The following ZBTB41 variants were observed in gnomAD, a reference collection of about 807,000 sequenced individuals.
ZBTB41 encodes zinc finger and BTB domain-containing protein 41.
A neutral mutation model predicts 87.6 loss-of-function variants in ZBTB41; 42 were observed. The observed-to-expected ratio is 0.48, with a 90% CI of 0.37 to 0.62. The LOEUF (loss-of-function observed/expected upper bound fraction) is 0.62. Ranked by LOEUF, ZBTB41 falls within the 20% of genes least tolerant of loss-of-function variation. The pLI is 0.00. For synonymous variants in ZBTB41, 364 were observed against 364.0 expected, an observed-to-expected ratio of 1.00 and a Z score of 0.00; for missense variants, 799 against 1,078.9, an observed-to-expected ratio of 0.74 and a Z score of 3.63.
intron 8 of ZBTB41, 102 bp from the exon 9 acceptor site, chr1:197,175,217 A>G: frequency 1.1e-6 from 1 of 937,676 alleles, no homozygotes; most frequent in South Asian, 2.0e-5. Context: ...GTCAAATATA[A>G]CAGGAAAGTA....
chr1:197,162,606 T>A (rs1160066215), intron 10 of ZBTB41, among the ~76,000 whole-genome samples: 1 of 152,196 alleles, frequency 6.6e-6, no homozygotes, highest in Non-Finnish European at 1.5e-5. Flanking sequence ...ACTTACATCA[T>A]ATCATGGCTC....
At chr1:197,195,938 T>C (rs1024818575) in intron 2 of ZBTB41, among the ~76,000 whole-genome samples, 29 of 152,172 alleles carry the variant, frequency 1.9e-4, no homozygotes, top group Admixed American at 1.7e-3. Flanking sequence ...GCAGAAGGTC[T>C]CAAAGCTTAT....
intron 10 of ZBTB41, among the ~76,000 whole-genome samples, chr1:197,163,305 A>T (rs1025473336): frequency 1.3e-5 from 2 of 152,202 alleles, no homozygotes; most frequent in African/African-American, 4.8e-5. Flanking sequence ...GACCCAAATG[A>T]TCAAATGCCA....
At chr1:197,175,428 T>A (rs1553231067) in intron 8 of ZBTB41, among the ~76,000 whole-genome samples, 1 of 11,500 alleles carries the variant, frequency 8.7e-5, no homozygotes, top group Non-Finnish European at 3.3e-4. Context: ...CTTAGGAATT[T>A]TAAATATATA....
At position 197,154,392 on chromosome 1, in the gene ZBTB41, T is replaced by C. The variant is rs374049774; in HGVS notation, c.*4967A>G. 15 of 152,140 alleles carry C rather than the reference T, an allele frequency of 9.9e-5. No individual in the cohort carries two copies. The highest frequency in any genetic ancestry group is 3.3e-4 in the Admixed American group (5 of 15,266). 9.4% of individuals were successfully genotyped at this position (152,140 alleles called of 1,614,324 possible). ...CTCTGAATATAATCCTTAATTTCTC[T>C]TTATGTAATTGGCTGCATAGGCTAA... On this transcript the variant is annotated 3_prime_UTR_variant, in exon 11 of 11. Transcript: ENST00000367405.
chr1:197,157,169 A>G lies in ZBTB41; in HGVS notation c.*2190T>C, dbSNP rs1481459382. ...CTGTGTAAACCAATTCCTACAATTA[A>G]ATCATATATTTAAAGCATTAGGACG... On this transcript the variant is annotated 3_prime_UTR_variant, in exon 11 of 11. Coordinates refer to ENST00000367405, the MANE Select transcript of ZBTB41 (RefSeq NM_194314.3). 6.6e-6 allele frequency: 1 copy of G among 152,192 alleles called. No homozygotes were observed. The highest frequency in any genetic ancestry group is 2.4e-5 in the African/African-American group (1 of 41,424). 9.4% of individuals were successfully genotyped at this position (152,192 alleles called of 1,614,324 possible).
intron 6 of ZBTB41, among the ~76,000 whole-genome samples, chr1:197,179,455 G>A (rs145172921): frequency 3.3e-5 from 5 of 152,064 alleles, no homozygotes; most frequent in East Asian, 1.9e-4. Context: ...AATGATAAGC[G>A]ACTATGTTAC....
intron 7 of ZBTB41, 82 bp from the exon 8 acceptor site, chr1:197,176,752 A>G (rs1217017323): frequency 1.0e-6 from 1 of 986,254 alleles, no homozygotes; most frequent in Non-Finnish European, 1.6e-6. Flanking sequence ...TGATGAATAA[A>G]CAATGAAAAC....
chr1:197,190,395 T>C (rs1362849462), intron 4 of ZBTB41, among the ~76,000 whole-genome samples: 3 of 152,204 alleles, frequency 2.0e-5, no homozygotes, highest in Admixed American at 2.0e-4. Flanking sequence ...AATAGTTATT[T>C]AAGGCCACTA....
intron 7 of ZBTB41, among the ~76,000 whole-genome samples, 153 bp downstream of exon 7, chr1:197,178,263 TA>T (rs199604755): frequency 9.4e-5 from 14 of 149,252 alleles, no homozygotes; most frequent in East Asian, 3.9e-4. Context: ...AAATGTTTAG[TA>T]AAAAAAAAAT....
intron 7 of ZBTB41, among the ~76,000 whole-genome samples, chr1:197,177,451 C>T (rs1659636572): frequency 6.6e-6 from 1 of 152,016 alleles, no homozygotes; most frequent in Admixed American, 6.6e-5. Context: ...TCAAGTATGT[C>T]TTTATAGCAG....
chr1:197,166,640 T>C (rs1049123508), intron 10 of ZBTB41, among the ~76,000 whole-genome samples: 6 of 151,634 alleles, frequency 4.0e-5, no homozygotes, highest in African/African-American at 1.5e-4. Flanking sequence ...GGTCAGGAGT[T>C]AGAGATCAGC....
At position 197,178,263 on chromosome 1, in the gene ZBTB41, T is replaced by TA. The variant is rs199604755; in HGVS notation, c.1772+153dup. Among the ~76,000 whole-genome samples, 106 of 149,294 alleles carry TA rather than the reference T, an allele frequency of 7.1e-4. 1 individual carries two copies. Among genetic ancestry groups the TA allele is most frequent in the Non-Finnish European group, 8.6e-4 (58 of 67,082 alleles). On this transcript the variant is annotated intron_variant, in intron 7 of 10. Coordinates refer to ENST00000367405, the MANE Select transcript of ZBTB41 (RefSeq NM_194314.3). The stretch of plus-strand genomic sequence containing the variant: ...AGAATAAAGATAATAAAATGTTTAG[T>TA]AAAAAAAAAATCTATGCAGTAAAGT...
In ZBTB41 at chr1:197,159,336, A is replaced by C; in HGVS notation, c.*23T>G. On this transcript the variant is annotated 3_prime_UTR_variant, in exon 11 of 11. Transcript: ENST00000367405. Reference sequence around the variant, plus strand: ...ACCATTAGCATATAACCATCCAAAAATCTGTGGAATGTTTAGATTTACTCA... The same window carrying C: ...ACCATTAGCATATAACCATCCAAAACTCTGTGGAATGTTTAGATTTACTCA... 6.2e-7 allele frequency: 1 copy of C among 1,610,082 alleles called. No homozygotes were observed. The highest frequency in any genetic ancestry group is 8.5e-7 in the Non-Finnish European group (1 of 1,177,214).
At chr1:197,189,237 C>T (rs1253852384) in intron 4 of ZBTB41, among the ~76,000 whole-genome samples, 1 of 151,948 alleles carries the variant, frequency 6.6e-6, no homozygotes, top group African/African-American at 2.4e-5. Flanking sequence ...AAAGATTAAC[C>T]TAGGCTGGGC....
chr1:197,170,492 T>C (rs745623925), intron 10 of ZBTB41, among the ~76,000 whole-genome samples: 3 of 152,132 alleles, frequency 2.0e-5, no homozygotes, highest in Non-Finnish European at 4.4e-5. Flanking sequence ...TTCTAGAATG[T>C]AAATTAATGA....
At chr1:197,191,333 T>C (rs1557986171) in intron 3 of ZBTB41, among the ~76,000 whole-genome samples, 1 of 151,420 alleles carries the variant, frequency 6.6e-6, no homozygotes, top group African/African-American at 2.4e-5. Context: ...GGTGCACGCC[T>C]GTAGTTCCAG....
At chr1:197,175,431 A>AATATATATATATATATAT (rs67302873) in intron 8 of ZBTB41, among the ~76,000 whole-genome samples, 1,540 of 71,488 alleles carry the variant, frequency 0.022, 115 homozygotes, top group African/African-American at 0.044. Flanking sequence ...AGGAATTTTA[A>AATATATATATATATATAT]ATATATATAT....
In ZBTB41 at chr1:197,156,927, G is replaced by T. The variant is rs745781871; in HGVS notation, c.*2432C>A. The stretch of plus-strand genomic sequence containing the variant: ...ACCTACTGACCATGTGAGCTTAAAT[G>T]AGTCCTTTTATCTTAACCTCAAATT... On this transcript the variant is annotated 3_prime_UTR_variant, in exon 11 of 11. Transcript: ENST00000367405. The T allele has an allele frequency of 6.6e-6, 1 of 152,100 alleles. No homozygotes were observed. The highest frequency in any genetic ancestry group is 2.1e-4 in the South Asian group (1 of 4,828). The allele number at this position is 152,100 out of a possible 1,614,324, so 9.4% of individuals were successfully genotyped here. A position where few individuals can be genotyped will look rare whatever the true frequency, so the allele number is the denominator to read the frequency against.
Sources: gnomAD v4.1 joint callset for allele counts (sites outside exome capture counted in the v4.1 genomes callset) on GRCh38, gnomAD v4.1.1 for gene constraint, MANE v1.5 for transcripts, NCBI Gene and HGNC (gene_info 2026-07-23, HGNC 2026-07-21) for gene names.